The following SEC13 variants were observed in gnomAD, a reference collection of about 807,000 sequenced individuals.
SEC13 encodes the protein protein SEC13 homolog.
In SEC13, 25 loss-of-function variants were observed where a neutral mutation model predicts 49.2. The observed-to-expected ratio is 0.51, with a 90% CI of 0.37 to 0.71. The LOEUF (loss-of-function observed/expected upper bound fraction) is 0.71. Ranked by LOEUF, SEC13 falls within the 30% of genes least tolerant of loss-of-function variation. The pLI, the probability that SEC13 is intolerant of heterozygous loss-of-function variation, is 0.00. For missense variants in SEC13, 383 were observed against 417.6 expected, an observed-to-expected ratio of 0.92 and a Z score of 0.72; for synonymous variants, 148 against 163.9, an observed-to-expected ratio of 0.90 and a Z score of 0.74.
chr3:10,308,438 A>G (rs980781270), intron 5 of SEC13, among the ~76,000 whole-genome samples: 2 of 152,138 alleles, frequency 1.3e-5, no homozygotes, highest in African/African-American at 4.8e-5. Context: ...CAGTATTTCC[A>G]AAGTATGGAT....
chr3:10,301,460 A>T (rs1700507076), intron 8 of SEC13, 86 bp from the exon 9 acceptor site: 2 of 1,551,638 alleles, frequency 1.3e-6, no homozygotes, highest in African/African-American at 2.7e-5. Context: ...CCTCATCAAG[A>T]ACCACTGCCC....
rs761942665 is a variant in SEC13, at chr3:10,305,105, A to G, written c.636T>C (p.Ser212=). The change falls in exon 7 of 9, where the codon AGT becomes AGC. Residue 212 remains serine (S), a synonymous_variant. Transcript: ENST00000350697. ...WKEEQKLEAH[S]DWVRDVAWAP... Reference sequence around the variant, plus strand: ...CCCAGGCCACATCTCGAACCCAGTCACTGTGCGCTTCTAGCTTCTGCTCCT... The same window carrying G: ...CCCAGGCCACATCTCGAACCCAGTCGCTGTGCGCTTCTAGCTTCTGCTCCT... The G allele has an allele frequency of 3.1e-6, 5 of 1,614,030 alleles. No individual in the cohort carries two copies. The highest frequency in any genetic ancestry group is 4.2e-6 in the Non-Finnish European group (5 of 1,179,978).
chr3:10,307,975 G>A (rs1159188577), intron 5 of SEC13, among the ~76,000 whole-genome samples: 1 of 152,118 alleles, frequency 6.6e-6, no homozygotes, highest in African/African-American at 2.4e-5. Context: ...GTATCCTCTA[G>A]TAGATTTCTC....
At chr3:10,312,968 G>T in intron 3 of SEC13, 1 of 468,730 alleles carries the variant, frequency 2.1e-6, no homozygotes, top group East Asian at 3.7e-5. Flanking sequence ...GAGCCTCTGG[G>T]TCAGCCTTCC....
chr3:10,310,790 G>C (rs1362417712), intron 5 of SEC13, among the ~76,000 whole-genome samples: 1 of 152,168 alleles, frequency 6.6e-6, no homozygotes. Context: ...GTTCATAGCA[G>C]CATTATTCAT....
At chr3:10,320,348 T>TA (rs2059754645) in intron 1 of SEC13, among the ~76,000 whole-genome samples, 1 of 152,234 alleles carries the variant, frequency 6.6e-6, no homozygotes, top group African/African-American at 2.4e-5. Context: ...TCAGCCCAGA[T>TA]ACTTCCATTC....
chr3:10,321,089 C>T lies in SEC13; in HGVS notation c.-37G>A. 2 of 1,612,368 alleles carry T rather than the reference C, an allele frequency of 1.2e-6. No homozygotes were observed. The highest frequency in any genetic ancestry group is 1.7e-6 in the Non-Finnish European group (2 of 1,179,504). On this transcript the variant is annotated 5_prime_UTR_variant, in exon 1 of 9. Coordinates refer to ENST00000350697, the MANE Select transcript of SEC13 (RefSeq NM_183352.3). This position sits in a 1 kb window ranked among gnomAD's most constrained non-coding sequence, Gnocchi z 4.1. ...TGGCTGCTCCAGGTCTCGGACGTGG[C>T]AGCTCCCGGCGGCGCCTCGGAACAG...
chr3:10,307,420 C>T (rs983985985), intron 5 of SEC13, among the ~76,000 whole-genome samples: 7 of 151,894 alleles, frequency 4.6e-5, no homozygotes, highest in East Asian at 1.9e-4. Context: ...TCCATTTTCA[C>T]GCTGCTGATA....
intron 1 of SEC13, chr3:10,319,457 A>T: frequency 3.8e-6 from 2 of 533,012 alleles, no homozygotes; most frequent in Non-Finnish European, 6.4e-6. Flanking sequence ...GGAAATGAAG[A>T]AGCCCAGAGA....
chr3:10,311,663 G>A (rs1574880089), intron 5 of SEC13: 1 of 1,261,146 alleles, frequency 7.9e-7, no homozygotes, highest in East Asian at 3.9e-5. Flanking sequence ...GGGTCCCAAT[G>A]ACTACTGCAG....
intron 5 of SEC13, among the ~76,000 whole-genome samples, chr3:10,306,294 G>C (rs1200356497): frequency 6.6e-6 from 1 of 152,046 alleles, no homozygotes; most frequent in South Asian, 2.1e-4. Flanking sequence ...TCTGGGTTTT[G>C]CTGCTTCATA....
At position 10,315,434 on chromosome 3, in the gene SEC13, G is replaced by C; in HGVS notation, c.51C>G (p.His17Gln). 1 of 1,405,578 alleles carries C rather than the reference G, an allele frequency of 7.1e-7. No individual in the cohort carries two copies. The highest frequency in any genetic ancestry group is 9.5e-7 in the Non-Finnish European group (1 of 1,048,608). 87.1% of individuals were successfully genotyped at this position (1,405,578 alleles called of 1,614,324 possible). A position where few individuals can be genotyped will look rare whatever the true frequency, so the allele number is the denominator to read the frequency against. Residue 17 changes from histidine to glutamine, a missense_variant and splice_region_variant, in exon 3 of 9, where the codon CAC becomes CAG. His to Gln is a conservative substitution (Grantham distance 24). Transcript: ENST00000350697. ...TVDTSHEDMI[H>Q]DAQMDYYGTR... ...TGCCATAGTAGTCCATCTGGGCGTC[G>C]TGCTGCAAAGGGAGGACAGCTCGGG...
intron 5 of SEC13, among the ~76,000 whole-genome samples, chr3:10,308,219 C>T (rs73125679): frequency 6.6e-6 from 1 of 152,160 alleles, no homozygotes; most frequent in Non-Finnish European, 1.5e-5. Context: ...TTCCTCGGAT[C>T]CCCTGGTAAT....
intron 7 of SEC13, 92 bp downstream of exon 7, chr3:10,304,941 C>A: frequency 6.3e-7 from 1 of 1,591,024 alleles, no homozygotes; most frequent in Non-Finnish European, 8.6e-7. Flanking sequence ...TCTCCCTTTA[C>A]CTTCCCAGAG....
At chr3:10,320,504 C>T (rs979255951) in intron 1 of SEC13, 1 of 985,500 alleles carries the variant, frequency 1.0e-6, no homozygotes, top group Non-Finnish European at 1.2e-6. Flanking sequence ...AGGTGCCCAT[C>T]CTACCTGGGG....
intron 8 of SEC13, among the ~76,000 whole-genome samples, chr3:10,301,943 T>C (rs1040527183): frequency 6.6e-6 from 1 of 151,882 alleles, no homozygotes; most frequent in Admixed American, 6.6e-5. Context: ...GAGGCTGCAT[T>C]AAAAAAAATC....
intron 5 of SEC13, 158 bp downstream of exon 5, chr3:10,311,807 G>A (rs1275932223): frequency 2.7e-6 from 4 of 1,499,120 alleles, no homozygotes; most frequent in Non-Finnish European, 3.6e-6. Context: ...AGGGCAGAGA[G>A]GCTCAAAGCT....
At chr3:10,305,526 C>G in intron 6 of SEC13, 33 bp downstream of exon 6, 1 of 1,609,934 alleles carries the variant, frequency 6.2e-7, no homozygotes, top group Non-Finnish European at 8.5e-7. Context: ...TAGAAGTGTC[C>G]CCTCAAAGAG....
intron 1 of SEC13, 195 bp downstream of exon 1, chr3:10,320,855 G>A (rs764414417): frequency 3.5e-4 from 465 of 1,310,504 alleles, no homozygotes; most frequent in Non-Finnish European, 4.2e-4. Flanking sequence ...AAGTCAGGGA[G>A]GTTCCTCGGC....
Sources: gnomAD v4.1 joint callset for allele counts (sites outside exome capture counted in the v4.1 genomes callset) on GRCh38, gnomAD v4.1.1 for gene constraint, Gnocchi (gnomAD v3.1) non-coding constraint, MANE v1.5 for transcripts, NCBI Gene and HGNC (gene_info 2026-07-23, HGNC 2026-07-21) for gene names.